Variants in LYPD6B observed in about 807,000 individuals in gnomAD.
The protein encoded by LYPD6B is ly6/PLAUR domain-containing protein 6B.
Under a neutral mutation model 22.8 loss-of-function variants are expected in LYPD6B, and 17 were observed. That is an observed-to-expected ratio of 0.75 (90% CI 0.51 to 1.12). The LOEUF is 1.12. Among genes scored for constraint, LYPD6B ranks in the 50% most tolerant of loss-of-function variants. LYPD6B has a pLI of 0.00. For missense variants in LYPD6B, 221 were observed against 258.3 expected (o/e 0.86, Z 0.99); for synonymous variants, 106 against 91.6 (o/e 1.16, Z -0.90).
intron 1 of LYPD6B, among the ~76,000 whole-genome samples, chr2:149,040,373 C>T (rs1011854496): frequency 2.6e-5 from 4 of 151,944 alleles, no homozygotes; most frequent in African/African-American, 4.8e-5. Context: ...TTACAGGCGC[C>T]GGCCACCACG....
At chr2:149,180,428 GC>G (rs1488784229) in intron 3 of LYPD6B, among the ~76,000 whole-genome samples, 1 of 152,194 alleles carries the variant, frequency 6.6e-6, no homozygotes, top group African/African-American at 2.4e-5. Flanking sequence ...GGGCACAACA[GC>G]CCTTTTCTTA....
chr2:149,147,948 A>G (rs911836869), intron 2 of LYPD6B, among the ~76,000 whole-genome samples: 1 of 83,610 alleles, frequency 1.2e-5, no homozygotes, highest in Non-Finnish European at 2.5e-5. Flanking sequence ...GTGTATAGTC[A>G]GAGATGATGG....
intron 2 of LYPD6B, among the ~76,000 whole-genome samples, chr2:149,156,535 A>C (rs1450301988): frequency 6.6e-6 from 1 of 152,118 alleles, no homozygotes; most frequent in East Asian, 1.9e-4. Flanking sequence ...AGGTGTCAGC[A>C]AGGTTGGGTC....
intron 1 of LYPD6B, among the ~76,000 whole-genome samples, chr2:149,123,078 G>A (rs61068308): frequency 6.6e-6 from 1 of 152,028 alleles, no homozygotes; most frequent in South Asian, 2.1e-4. Context: ...ATGAAGAAAG[G>A]TTTCACAGTA....
At chr2:149,119,587 A>G (rs2105586278) in intron 1 of LYPD6B, among the ~76,000 whole-genome samples, 1 of 152,340 alleles carries the variant, frequency 6.6e-6, no homozygotes, top group East Asian at 1.9e-4. Flanking sequence ...CCTTCATTAC[A>G]TTGCCTTGGC....
At chr2:149,122,001 A>G (rs896987017) in intron 1 of LYPD6B, among the ~76,000 whole-genome samples, 7 of 152,184 alleles carry the variant, frequency 4.6e-5, no homozygotes, top group African/African-American at 9.7e-5. Context: ...AAAACCCCAA[A>G]CGAGAAAGAA....
chr2:149,153,504 C>A (rs1010127662), intron 2 of LYPD6B, among the ~76,000 whole-genome samples: 77 of 152,138 alleles, frequency 5.1e-4, no homozygotes, highest in African/African-American at 1.8e-3. Context: ...TGGCTGGGCG[C>A]GGTGGCTCAT....
chr2:149,070,741 A>C (rs1012040146), intron 1 of LYPD6B, among the ~76,000 whole-genome samples: 1 of 152,218 alleles, frequency 6.6e-6, no homozygotes, highest in Admixed American at 6.5e-5. Context: ...GTGTTCTGGC[A>C]GGCTTCTTGG....
chr2:149,166,954 C>A (rs903769200), intron 3 of LYPD6B, among the ~76,000 whole-genome samples: 2 of 152,122 alleles, frequency 1.3e-5, no homozygotes, highest in Admixed American at 1.3e-4. Context: ...ACCACGACAT[C>A]CTAGGGTTAT....
chr2:149,054,943 T>C (rs968825808), intron 1 of LYPD6B, among the ~76,000 whole-genome samples: 2 of 152,204 alleles, frequency 1.3e-5, no homozygotes, highest in Non-Finnish European at 2.9e-5. Flanking sequence ...TTTTTTTCGC[T>C]TGTGCTTTTG....
At chr2:149,192,426 T>TC (rs1276734119) in intron 3 of LYPD6B, among the ~76,000 whole-genome samples, 2 of 151,664 alleles carry the variant, frequency 1.3e-5, no homozygotes, top group East Asian at 3.9e-4. Context: ...AGTCTTTTTT[T>TC]TTTTTTTTTT....
chr2:149,072,521 TATTTTATTTTATTTC>T (rs145737105), intron 1 of LYPD6B, among the ~76,000 whole-genome samples: 1 of 143,562 alleles, frequency 7.0e-6, no homozygotes, highest in African/African-American at 2.7e-5. Flanking sequence ...TATTTTATTT[TATTTTATTTTATTTC>T]ATTTTATTTT....
chr2:149,171,453 T>C (rs536382032), intron 3 of LYPD6B, among the ~76,000 whole-genome samples: 2 of 152,156 alleles, frequency 1.3e-5, no homozygotes, highest in African/African-American at 4.8e-5. Context: ...TCCCCTTCCC[T>C]TTCAATTTTT....
intron 2 of LYPD6B, among the ~76,000 whole-genome samples, chr2:149,133,069 C>T (rs1367232938): frequency 6.6e-6 from 1 of 152,118 alleles, no homozygotes; most frequent in Non-Finnish European, 1.5e-5. Flanking sequence ...GGGTTGCTTC[C>T]TCTTTAGCCA....
intron 1 of LYPD6B, among the ~76,000 whole-genome samples, chr2:149,076,221 G>A (rs1045784034): frequency 6.6e-6 from 1 of 152,018 alleles, no homozygotes; most frequent in Admixed American, 6.6e-5. Context: ...GGGAGGTGAG[G>A]GCTTTCTCTC....
intron 3 of LYPD6B, among the ~76,000 whole-genome samples, chr2:149,174,581 T>G (rs895351289): frequency 6.6e-5 from 10 of 152,128 alleles, no homozygotes; most frequent in Non-Finnish European, 1.5e-4. Context: ...TTATTGAGAG[T>G]TTTTAACATG....
intron 3 of LYPD6B, among the ~76,000 whole-genome samples, chr2:149,165,543 C>A (rs1367010331): frequency 2.6e-5 from 4 of 152,172 alleles, no homozygotes; most frequent in African/African-American, 7.2e-5. Flanking sequence ...ACAACACAAG[C>A]AGGCACTAAT....
chr2:149,104,729 A>G (rs992699479), intron 1 of LYPD6B, among the ~76,000 whole-genome samples: 1 of 152,196 alleles, frequency 6.6e-6, no homozygotes, highest in Non-Finnish European at 1.5e-5. Context: ...GATGAAATTT[A>G]TCAAAATTTT....
intron 3 of LYPD6B, among the ~76,000 whole-genome samples, chr2:149,174,308 A>G (rs1691089957): frequency 6.6e-6 from 1 of 152,212 alleles, no homozygotes; most frequent in Non-Finnish European, 1.5e-5. Context: ...TTTTCTAGAA[A>G]AAGGATTGTG....
Sources: gnomAD v4.1 joint callset for allele counts (sites outside exome capture counted in the v4.1 genomes callset) on GRCh38, gnomAD v4.1.1 for gene constraint, MANE v1.5 for transcripts, NCBI Gene and HGNC (gene_info 2026-07-23, HGNC 2026-07-21) for gene names.